Variants in AGMO observed in about 807,000 individuals in gnomAD.
AGMO encodes alkylglycerol monooxygenase, also known as glyceryl-ether monooxygenase.
Under a neutral mutation model 60.2 loss-of-function variants are expected in AGMO, and 75 were observed. The ratio of observed to expected loss-of-function variants is 1.25; its 90% CI spans 1.03 to 1.51. The LOEUF (loss-of-function observed/expected upper bound fraction) is 1.51, where lower values mean the gene tolerates loss of function less well. Ranked by LOEUF, AGMO falls within the 40% of genes most tolerant of loss-of-function variation. AGMO has a pLI of 0.00. For synonymous variants in AGMO, 261 were observed against 177.1 expected, an observed-to-expected ratio of 1.47 and a Z score of -3.76; for missense variants, 763 against 525.5, an observed-to-expected ratio of 1.45 and a Z score of -4.42.
chr7:15,323,105 T>C (rs1367425136), intron 12 of AGMO, among the ~76,000 whole-genome samples: 1 of 151,876 alleles, frequency 6.6e-6, no homozygotes, highest in Non-Finnish European at 1.5e-5. Flanking sequence ...ATAAGCCTAG[T>C]TAAAGATCAG....
chr7:15,253,151 T>C (rs1382592996), intron 12 of AGMO, among the ~76,000 whole-genome samples: 1 of 152,110 alleles, frequency 6.6e-6, no homozygotes, highest in East Asian at 1.9e-4. Flanking sequence ...CATAGAAAAA[T>C]TGACAACATG....
chr7:15,240,336 AAATTT>A (rs771721397), intron 12 of AGMO, among the ~76,000 whole-genome samples: 5 of 152,194 alleles, frequency 3.3e-5, no homozygotes, highest in Non-Finnish European at 5.9e-5. Flanking sequence ...TTTGAAATTT[AAATTT>A]AATTGAGCTT....
At chr7:15,531,561 C>CTATATATAT (rs1305096499) in intron 3 of AGMO, among the ~76,000 whole-genome samples, 1 of 72,534 alleles carries the variant, frequency 1.4e-5, no homozygotes, top group African/African-American at 4.9e-5. Flanking sequence ...TATATATATT[C>CTATATATAT]TCTATATATT....
At chr7:15,482,095 C>G (rs1583597898) in intron 3 of AGMO, among the ~76,000 whole-genome samples, 1 of 150,818 alleles carries the variant, frequency 6.6e-6, no homozygotes, top group East Asian at 1.9e-4. Flanking sequence ...CAATGCTATC[C>G]ATATCCACAT....
intron 12 of AGMO, among the ~76,000 whole-genome samples, chr7:15,306,928 C>T (rs1035156233): frequency 2.0e-5 from 3 of 151,756 alleles, no homozygotes; most frequent in South Asian, 4.1e-4. Context: ...TAAATGCATA[C>T]GTTACAATCA....
intron 10 of AGMO, among the ~76,000 whole-genome samples, chr7:15,366,537 A>G (rs1185408861): frequency 3.9e-5 from 6 of 152,048 alleles, no homozygotes; most frequent in African/African-American, 1.4e-4. Flanking sequence ...ATATGGATAA[A>G]TTACTCACAT....
chr7:15,561,852 C>G lies in AGMO; in HGVS notation c.-7G>C. ...GGGCTTCTGGGTTCTTCATTTCTGC[C>G]CTTGTCTGATTCCCAGCTGGAGAAT... On this transcript the variant is annotated 5_prime_UTR_variant, in exon 1 of 13. Transcript: ENST00000342526. 1 of 1,590,596 alleles carries G rather than the reference C, an allele frequency of 6.3e-7. No homozygotes were observed. The highest frequency in any genetic ancestry group is 8.6e-7 in the Non-Finnish European group (1 of 1,167,170).
chr7:15,275,647 G>T (rs1026978789), intron 12 of AGMO, among the ~76,000 whole-genome samples: 1 of 152,044 alleles, frequency 6.6e-6, no homozygotes, highest in Non-Finnish European at 1.5e-5. Flanking sequence ...GGGGTGTTAA[G>T]GTCCCCACTG....
the AGMO span, among the ~76,000 whole-genome samples, chr7:15,179,249 A>G: frequency 2.0e-5 from 3 of 152,102 alleles, no homozygotes; most frequent in African/African-American, 7.2e-5. Flanking sequence ...CATCAACCCC[A>G]AAGTCCATAG....
the AGMO span, among the ~76,000 whole-genome samples, chr7:15,146,082 TTCAC>T: frequency 1.3e-5 from 2 of 152,170 alleles, no homozygotes; most frequent in South Asian, 4.1e-4. Context: ...GATCTAATCC[TTCAC>T]TCAAAGTGTA....
chr7:15,250,942 T>C (rs188249332), intron 12 of AGMO, among the ~76,000 whole-genome samples: 1,489 of 148,074 alleles, frequency 0.01, 36 homozygotes, highest in African/African-American at 0.035. Flanking sequence ...CAAAACTCCA[T>C]CTCAAAAAAA....
chr7:15,339,255 C>A (rs1031547769), intron 12 of AGMO, among the ~76,000 whole-genome samples: 4 of 152,144 alleles, frequency 2.6e-5, no homozygotes, highest in African/African-American at 9.7e-5. Flanking sequence ...GGCCAGAATT[C>A]ACCACACAAA....
At chr7:15,206,600 G>A (rs1781445842) in intron 12 of AGMO, among the ~76,000 whole-genome samples, 1 of 151,978 alleles carries the variant, frequency 6.6e-6, no homozygotes, top group African/African-American at 2.4e-5. Context: ...GAAAAACAAT[G>A]TAAAAAGAAA....
At chr7:15,373,032 G>C (rs1371577865) in intron 10 of AGMO, among the ~76,000 whole-genome samples, 1 of 152,146 alleles carries the variant, frequency 6.6e-6, no homozygotes, top group East Asian at 1.9e-4. Context: ...GGGAAGCTGA[G>C]GTCGGCAATT....
chr7:15,367,223 T>A (rs538721694), intron 10 of AGMO, among the ~76,000 whole-genome samples: 22 of 151,596 alleles, frequency 1.5e-4, no homozygotes, highest in Non-Finnish European at 2.4e-4. Flanking sequence ...TGGGTTTTTA[T>A]CCTAATGTAC....
chr7:15,358,632 G>A (rs1044401074), intron 12 of AGMO, among the ~76,000 whole-genome samples: 3 of 152,036 alleles, frequency 2.0e-5, no homozygotes, highest in African/African-American at 7.3e-5. Flanking sequence ...AGCTTAGCAG[G>A]GACTTCTGAA....
intron 3 of AGMO, among the ~76,000 whole-genome samples, chr7:15,508,713 C>A (rs1456907873): frequency 2.7e-5 from 4 of 150,876 alleles, no homozygotes; most frequent in African/African-American, 9.8e-5. Context: ...CTCACCTGTA[C>A]TAGCTTTAAC....
chr7:15,433,383 G>A (rs1012725901), intron 3 of AGMO, among the ~76,000 whole-genome samples: 4 of 151,946 alleles, frequency 2.6e-5, no homozygotes, highest in African/African-American at 7.2e-5. Context: ...GTGCAAACAG[G>A]GCACAGTAAC....
chr7:15,509,242 C>G (rs1047915552), intron 3 of AGMO, among the ~76,000 whole-genome samples: 1 of 151,996 alleles, frequency 6.6e-6, no homozygotes, highest in African/African-American at 2.4e-5. Flanking sequence ...ACCAATAGAA[C>G]AGAACACAGA....
Sources: gnomAD v4.1 joint callset for allele counts (sites outside exome capture counted in the v4.1 genomes callset) on GRCh38, gnomAD v4.1.1 for gene constraint, MANE v1.5 for transcripts, NCBI Gene and HGNC (gene_info 2026-07-23, HGNC 2026-07-21) for gene names.